The following CSMD1 variants were observed in gnomAD, a reference collection of about 807,000 sequenced individuals.
CSMD1 encodes CUB and Sushi multiple domains 1.
A neutral mutation model predicts 417.5 loss-of-function variants in CSMD1; 213 were observed. The observed-to-expected ratio is 0.51, with a 90% CI of 0.46 to 0.57. The LOEUF (loss-of-function observed/expected upper bound fraction) is 0.57. Ranked by LOEUF, CSMD1 falls within the 20% of genes least tolerant of loss-of-function variation. The probability of loss-of-function intolerance (pLI) is 0.00; values close to 1 mark genes in which losing one functional copy is unlikely to be tolerated. For missense variants in CSMD1, 6,923 were observed against 4,529.7 expected (o/e 1.53, Z -15.17); for synonymous variants, 2,862 against 1,736.8 (o/e 1.65, Z -16.11).
chr8:4,751,247 T>A (rs1811306197), intron 1 of CSMD1, among the ~76,000 whole-genome samples: 1 of 152,010 alleles, frequency 6.6e-6, no homozygotes, highest in Non-Finnish European at 1.5e-5. Context: ...TAGGCAGACA[T>A]TGTGGCACGC....
intron 26 of CSMD1, among the ~76,000 whole-genome samples, chr8:3,280,486 G>T (rs1483314357): frequency 6.6e-6 from 1 of 152,134 alleles, no homozygotes; most frequent in East Asian, 1.9e-4. Flanking sequence ...CAATCTTGCA[G>T]AAAATCCTTC....
chr8:4,236,048 T>G lies in CSMD1; in HGVS notation c.415+183905A>C, dbSNP rs1157759713. On this transcript the variant is annotated intron_variant, in intron 3 of 69. Coordinates refer to ENST00000635120, the MANE Select transcript of CSMD1 (RefSeq NM_033225.6). ...ATTGTTTTTTTTGTTTGTTTTTTTT[T>G]TTTTTTTTTTTTTTTTTTTTTGTAA... Among the ~76,000 whole-genome samples the G allele has an allele frequency of 9.8e-3, 398 of 40,558 alleles. 2 individuals carry two copies. Among genetic ancestry groups the G allele is most frequent in the South Asian group, 0.021 (33 of 1,572 alleles). The allele number at this position is 40,558 out of a possible 152,430, so 26.6% of individuals were successfully genotyped here.
intron 5 of CSMD1, among the ~76,000 whole-genome samples, chr8:3,939,763 A>C (rs1286006980): frequency 1.3e-5 from 2 of 152,148 alleles, no homozygotes; most frequent in Non-Finnish European, 2.9e-5. Flanking sequence ...GCAGTCACTC[A>C]GAAATGGAAA....
intron 1 of CSMD1, among the ~76,000 whole-genome samples, chr8:4,957,739 TTCTCTA>T (rs1563867185): frequency 6.6e-6 from 1 of 152,184 alleles, no homozygotes; most frequent in Non-Finnish European, 1.5e-5. Context: ...CCCATTCCCC[TTCTCTA>T]TAAGGACTCA....
intron 3 of CSMD1, among the ~76,000 whole-genome samples, chr8:4,053,639 TAG>T (rs1443496080): frequency 1.3e-5 from 2 of 152,256 alleles, no homozygotes; most frequent in East Asian, 1.9e-4. Context: ...TTGTCTTGCA[TAG>T]AGTGTCATAT....
intron 20 of CSMD1, among the ~76,000 whole-genome samples, chr8:3,361,168 CATTA>C (rs1361195367): frequency 2.0e-5 from 3 of 152,090 alleles, no homozygotes; most frequent in African/African-American, 7.2e-5. Flanking sequence ...ACTCAACAAA[CATTA>C]ATTGACAACC....
chr8:4,910,137 T>G (rs1204352514), intron 1 of CSMD1, among the ~76,000 whole-genome samples: 1 of 152,218 alleles, frequency 6.6e-6, no homozygotes, highest in African/African-American at 2.4e-5. Flanking sequence ...AGTTTTAATG[T>G]TATAATGTTG....
chr8:4,588,631 A>C (rs998791309), intron 2 of CSMD1, among the ~76,000 whole-genome samples: 1 of 151,840 alleles, frequency 6.6e-6, no homozygotes, highest in Non-Finnish European at 1.5e-5. Context: ...CTAAAAACAC[A>C]AAAATTAGCC....
intron 8 of CSMD1, among the ~76,000 whole-genome samples, chr8:3,592,060 T>C (rs1800872929): frequency 6.6e-6 from 1 of 151,828 alleles, no homozygotes; most frequent in African/African-American, 2.4e-5. Context: ...GGATAGATGA[T>C]AGATAGATGG....
chr8:4,145,779 C>T lies in CSMD1; in HGVS notation c.416-113680G>A, dbSNP rs1337044801. 3.3e-5 allele frequency among the ~76,000 whole-genome samples: 5 copies of T among 150,938 alleles called. 1 individual carries two copies. The highest frequency in any genetic ancestry group is 1.2e-4 in the African/African-American group (5 of 40,320). On this transcript the variant is annotated intron_variant, in intron 3 of 69. Coordinates refer to ENST00000635120, the MANE Select transcript of CSMD1 (RefSeq NM_033225.6). Reference sequence around the variant, plus strand: ...ATTCCCTGCAGGTTCTGCGTCAGCTCGCACCATGAAGAGTTTTTCTGTATG... The same window carrying T: ...ATTCCCTGCAGGTTCTGCGTCAGCTTGCACCATGAAGAGTTTTTCTGTATG...
chr8:4,094,617 CGT>C (rs1800903035), intron 3 of CSMD1, among the ~76,000 whole-genome samples: 1 of 152,044 alleles, frequency 6.6e-6, no homozygotes, highest in African/African-American at 2.4e-5. Context: ...AGAGGAGAGG[CGT>C]GTGTCACACA....
At chr8:4,571,460 G>C (rs998364801) in intron 2 of CSMD1, among the ~76,000 whole-genome samples, 2 of 152,180 alleles carry the variant, frequency 1.3e-5, no homozygotes, top group Admixed American at 1.3e-4. Flanking sequence ...TTTTGAGTGA[G>C]TTTCTTAATC....
At chr8:4,461,887 C>T (rs949224615) in intron 2 of CSMD1, among the ~76,000 whole-genome samples, 2 of 151,754 alleles carry the variant, frequency 1.3e-5, no homozygotes, top group African/African-American at 2.4e-5. Flanking sequence ...ACTACAGGAG[C>T]CCGCCACCAC....
At chr8:4,440,024 T>G (rs1472736692) in intron 2 of CSMD1, among the ~76,000 whole-genome samples, 1 of 152,170 alleles carries the variant, frequency 6.6e-6, no homozygotes, top group African/African-American at 2.4e-5. Flanking sequence ...TCCTAAGAGT[T>G]AAGAAGCTTA....
intron 3 of CSMD1, among the ~76,000 whole-genome samples, chr8:4,338,192 T>G (rs1413574045): frequency 4.6e-5 from 7 of 152,088 alleles, no homozygotes; most frequent in Admixed American, 3.9e-4. Flanking sequence ...ATGCAAGAGT[T>G]AGATTAGAGA....
chr8:4,612,973 C>G (rs1801266051), intron 2 of CSMD1, among the ~76,000 whole-genome samples: 1 of 152,096 alleles, frequency 6.6e-6, no homozygotes. Context: ...AGAGATATAA[C>G]AGTCCCTGCA....
At chr8:3,489,954 A>T (rs1818275232) in intron 11 of CSMD1, among the ~76,000 whole-genome samples, 1 of 152,236 alleles carries the variant, frequency 6.6e-6, no homozygotes, top group Non-Finnish European at 1.5e-5. Context: ...GACTTCGTAT[A>T]CTGACTAGTA....
chr8:3,678,845 G>C (rs1404422909), intron 7 of CSMD1, among the ~76,000 whole-genome samples: 1 of 152,186 alleles, frequency 6.6e-6, no homozygotes, highest in Non-Finnish European at 1.5e-5. Context: ...TCTCTCAGCA[G>C]AAAGTCTACA....
At chr8:4,859,713 C>T (rs1187117439) in intron 1 of CSMD1, among the ~76,000 whole-genome samples, 3 of 151,922 alleles carry the variant, frequency 2.0e-5, no homozygotes, top group African/African-American at 4.8e-5. Flanking sequence ...CAATGAGATA[C>T]CATCTCACAC....
Sources: allele counts gnomAD v4.1 joint callset (sites outside exome capture counted in the v4.1 genomes callset), GRCh38; gene constraint gnomAD v4.1.1; transcripts MANE v1.5; gene names NCBI Gene and HGNC (gene_info 2026-07-23, HGNC 2026-07-21).